DENND2B: variants seen among roughly 807,000 people sequenced by gnomAD.
DENND2B encodes DENN domain containing 2B, also known as DENN domain-containing protein 2B.
A neutral mutation model predicts 116.0 loss-of-function variants in DENND2B; 32 were observed. That is an observed-to-expected ratio of 0.28 (90% confidence interval 0.21 to 0.37). The LOEUF (loss-of-function observed/expected upper bound fraction) is 0.37, where lower values mean the gene tolerates loss of function less well. Ranked by LOEUF, DENND2B falls within the 10% of genes least tolerant of loss-of-function variation. DENND2B has a pLI of 1.00. For missense variants in DENND2B, 1,276 were observed against 1,477.7 expected, an observed-to-expected ratio of 0.86 and a Z score of 2.24; for synonymous variants, 588 against 583.9, an observed-to-expected ratio of 1.01 and a Z score of -0.10.
At chr11:8,859,156 G>T (rs896981362) in intron 2 of DENND2B, among the ~76,000 whole-genome samples, 1 of 152,156 alleles carries the variant, frequency 6.6e-6, no homozygotes, top group Middle Eastern at 3.2e-3. Flanking sequence ...TCAAAATTTA[G>T]AGCTTGATGA....
intron 1 of DENND2B, among the ~76,000 whole-genome samples, chr11:8,881,958 GC>G (rs902248961): frequency 6.6e-6 from 1 of 151,680 alleles, no homozygotes; most frequent in African/African-American, 2.4e-5. Flanking sequence ...TTTTTCACTG[GC>G]CTTCATTTAC....
chr11:8,806,605 A>AACACACACAC lies in DENND2B; in HGVS notation c.-26+3902_-26+3911dup, dbSNP rs71059180. Among the ~76,000 whole-genome samples, 1,023 of 118,566 alleles carry AACACACACAC rather than the reference A, an allele frequency of 8.6e-3. 16 individuals are homozygous for AACACACACAC. The highest frequency in any genetic ancestry group is 0.032 in the East Asian group (123 of 3,838). The allele number at this position is 118,566 out of a possible 152,430, so 77.8% of individuals were successfully genotyped here. ...ATTTAACACCCTCCTCTCCCTTCAA[A>AACACACACAC]ACACACACACACACACACACACACA... On this transcript the variant is annotated intron_variant, in intron 1 of 19. Transcript: ENST00000313726.
chr11:8,767,345 G>C (rs981358534), intron 1 of DENND2B, among the ~76,000 whole-genome samples: 1 of 152,148 alleles, frequency 6.6e-6, no homozygotes, highest in African/African-American at 2.4e-5. Flanking sequence ...AAAGGCTCTC[G>C]TGTGAAAAAG....
chr11:8,796,416 G>GT (rs756362729), intron 1 of DENND2B, among the ~76,000 whole-genome samples: 1 of 152,084 alleles, frequency 6.6e-6, no homozygotes, highest in Non-Finnish European at 1.5e-5. Context: ...GCGTGTGCCT[G>GT]TAATCCCAGC....
intron 2 of DENND2B, among the ~76,000 whole-genome samples, chr11:8,745,712 T>C (rs1025801223): frequency 6.6e-6 from 1 of 152,248 alleles, no homozygotes; most frequent in Non-Finnish European, 1.5e-5. Flanking sequence ...CCACGCATTT[T>C]TGCCTTGTTC....
In DENND2B at chr11:8,730,545, C is replaced by T; in HGVS notation, c.745G>A (p.Val249Ile). 1.2e-6 allele frequency: 2 copies of T among 1,613,240 alleles called. No individual in the cohort carries two copies. Among genetic ancestry groups the T allele is most frequent in the Non-Finnish European group, 1.7e-6 (2 of 1,180,026 alleles). The change falls in exon 3 of 20, where the codon GTC (valine) becomes ATC (isoleucine). Residue 249 changes from valine to isoleucine, a missense_variant. Transcript: ENST00000313726. This position sits in a 1 kb window ranked among gnomAD's most constrained non-coding sequence, Gnocchi z 4.1. ...ETEEEGEALPVRDSFYRLEKR... is the reference protein window; with the variant it reads ...ETEEEGEALPIRDSFYRLEKR... The stretch of plus-strand genomic sequence containing the variant: ...TCCAGCCGGTAGAAAGAGTCCCGGA[C>T]AGGGAGCGCCTCTCCCTCCTCCTCA...
chr11:8,710,970 C>T, intron 10 of DENND2B, 56 bp from the exon 11 acceptor site: 2 of 1,602,820 alleles, frequency 1.2e-6, no homozygotes, highest in Non-Finnish European at 1.7e-6. Context: ...AGGAAACAGC[C>T]CCCAAGAATA....
At chr11:8,706,209 C>A (rs1224356828) in intron 13 of DENND2B, among the ~76,000 whole-genome samples, 1 of 152,204 alleles carries the variant, frequency 6.6e-6, no homozygotes, top group African/African-American at 2.4e-5. Flanking sequence ...AGCACCACTG[C>A]ACTCCAGCAC....
At chr11:8,837,334 C>T (rs1374287688) in intron 4 of DENND2B, among the ~76,000 whole-genome samples, 2 of 150,194 alleles carry the variant, frequency 1.3e-5, no homozygotes, top group Non-Finnish European at 3.0e-5. Flanking sequence ...AAGAGGACAC[C>T]TACTCAGTTG....
intron 1 of DENND2B, among the ~76,000 whole-genome samples, chr11:8,751,079 T>C (rs971464474): frequency 6.6e-6 from 1 of 151,788 alleles, no homozygotes; most frequent in African/African-American, 2.4e-5. Context: ...TTGGAGAATC[T>C]TTATGTCTAG....
intron 3 of DENND2B, among the ~76,000 whole-genome samples, chr11:8,726,645 C>A (rs1382894047): frequency 1.3e-5 from 2 of 152,194 alleles, no homozygotes; most frequent in African/African-American, 4.8e-5. Context: ...GGCCTTGAGC[C>A]CTAGAGAATA....
rs1234202691 is a variant in DENND2B at position 8,730,910 on chromosome 11, C to T, written c.380G>A (p.Gly127Glu). Residue 127 changes from glycine to glutamate, a missense_variant, in exon 3 of 20, where the codon GGG becomes GAG. This residue lies in a region of DENND2B where 856 missense variants were observed against 846.6 expected (regional missense o/e 1.01). Coordinates refer to ENST00000313726, the MANE Select transcript of DENND2B (RefSeq NM_213618.2). This position sits in a 1 kb window ranked among gnomAD's most constrained non-coding sequence, Gnocchi z 4.1. The part of the protein sequence containing the change: ...SVQGAAQDVA[G>E]VAACLPLAQS... Reference sequence around the variant, plus strand: ...GGCAAGGGGGAGGCAGGCAGCGACCCCTGCTACATCCTGGGCTGCGCCTTG... The same window carrying T: ...GGCAAGGGGGAGGCAGGCAGCGACCTCTGCTACATCCTGGGCTGCGCCTTG... 1 of 1,614,158 alleles carries T rather than the reference C, an allele frequency of 6.2e-7. No individual in the cohort carries two copies. Among genetic ancestry groups the T allele is most frequent in the Non-Finnish European group, 8.5e-7 (1 of 1,180,048 alleles).
intron 2 of DENND2B, among the ~76,000 whole-genome samples, chr11:8,863,025 G>A (rs780591368): frequency 1.8e-4 from 28 of 152,074 alleles, no homozygotes; most frequent in Non-Finnish European, 3.1e-4. Context: ...TGATCACTGA[G>A]CTACTCATGG....
Position 8,712,642 on chromosome 11 carries a change from C to T in DENND2B, c.2081G>A (p.Arg694Gln), listed in dbSNP as rs759059433. The part of the protein sequence containing the change: ...LELELLEWQE[R>Q]ELFEYFVVVS... ...CACCACAAAGTACTCAAAAAGCTCC[C>T]GCTCCTGCCACTCCAGCAGCTCCAG... The change falls in exon 9 of 20, where the codon CGG (arginine) becomes CAG (glutamine). Residue 694 changes from arginine (R) to glutamine (Q), a missense_variant. Transcript: ENST00000313726. This position sits in a 1 kb window ranked among gnomAD's most constrained non-coding sequence, Gnocchi z 4.4. 4.4e-6 allele frequency: 7 copies of T among 1,584,076 alleles called. No homozygotes were observed. The highest frequency in any genetic ancestry group is 6.0e-6 in the Non-Finnish European group (7 of 1,165,244).
upstream of DENND2B, among the ~76,000 whole-genome samples, chr11:8,815,630 C>T (rs1424624415): frequency 2.0e-5 from 3 of 152,128 alleles, no homozygotes; most frequent in African/African-American, 4.8e-5. Context: ...CATTTATCAC[C>T]TCCTCTGTAA....
At chr11:8,758,828 G>A (rs2054071890) in intron 1 of DENND2B, among the ~76,000 whole-genome samples, 1 of 152,146 alleles carries the variant, frequency 6.6e-6, no homozygotes, top group African/African-American at 2.4e-5. Flanking sequence ...CAACCAGCAG[G>A]TAAGTGTCGC....
chr11:8,787,275 A>T (rs1234991861), intron 1 of DENND2B: 1 of 152,196 alleles, frequency 6.6e-6, no homozygotes, highest in East Asian at 1.9e-4. Context: ...ATAAGGCAAG[A>T]TTTATATGTA....
At chr11:8,813,691 A>G (rs1420703290), upstream of DENND2B, among the ~76,000 whole-genome samples, 1 of 152,222 alleles carries the variant, frequency 6.6e-6, no homozygotes, top group Non-Finnish European at 1.5e-5. Flanking sequence ...TAGAACTGAT[A>G]CAAGTCAGTT....
chr11:8,740,221 A>G (rs1161528717), intron 2 of DENND2B, among the ~76,000 whole-genome samples: 1 of 151,958 alleles, frequency 6.6e-6, no homozygotes, highest in East Asian at 1.9e-4. Context: ...AGAAACAAGA[A>G]AAGAAAAAGC....
Sources: allele counts gnomAD v4.1 joint callset (sites outside exome capture counted in the v4.1 genomes callset), GRCh38; gene constraint gnomAD v4.1.1; regional missense constraint gnomAD v4.1.1; non-coding constraint Gnocchi (gnomAD v3.1); transcripts MANE v1.5; gene names NCBI Gene and HGNC (gene_info 2026-07-23, HGNC 2026-07-21).